The following KCNIP4 variants were observed in gnomAD, a reference collection of about 807,000 sequenced individuals.
KCNIP4 encodes the protein Kv channel-interacting protein 4.
Under a neutral mutation model 34.0 loss-of-function variants are expected in KCNIP4, and 12 were observed. The ratio of observed to expected loss-of-function variants is 0.35; its 90% confidence interval spans 0.23 to 0.57. The LOEUF (loss-of-function observed/expected upper bound fraction) is 0.57. KCNIP4 is among the 20% of genes least tolerant of loss of function. KCNIP4 has a pLI of 0.83. For synonymous variants in KCNIP4, 124 were observed against 102.2 expected, an observed-to-expected ratio of 1.21 and a Z score of -1.29; for missense variants, 238 against 311.7, an observed-to-expected ratio of 0.76 and a Z score of 1.78.
chr4:21,714,821 T>G lies in KCNIP4; in HGVS notation c.61+233750A>C, dbSNP rs184587846. Among the ~76,000 whole-genome samples the G allele has an allele frequency of 1.9e-3, 7 of 3,688 alleles. 1 individual carries two copies. The highest frequency in any genetic ancestry group is 0.017 in the African/African-American group (3 of 176). The allele number at this position is 3,688 out of a possible 152,430, so 2.4% of individuals were successfully genotyped here. A position where few individuals can be genotyped will look rare whatever the true frequency, so the allele number is the denominator to read the frequency against. On this transcript the variant is annotated intron_variant, in intron 1 of 8. Coordinates refer to ENST00000382152, the MANE Select transcript of KCNIP4 (RefSeq NM_025221.6). ...TTTATTTTATTTTATTTTATTTTAT[T>G]TTATTTTATTTTATTTTATTTTATT...
intron 1 of KCNIP4, among the ~76,000 whole-genome samples, chr4:21,714,795 T>G (rs1294941980): frequency 5.1e-3 from 1 of 198 alleles, no homozygotes; most frequent in Non-Finnish European, 7.4e-3. Flanking sequence ...GATTATTTTA[T>G]TTTATTTTAT....
intron 1 of KCNIP4, among the ~76,000 whole-genome samples, chr4:21,357,568 A>G (rs551001072): frequency 2.0e-5 from 3 of 152,336 alleles, no homozygotes; most frequent in Admixed American, 1.3e-4. Flanking sequence ...ACATGAAAAA[A>G]TGCTCATCAT....
intron 1 of KCNIP4, among the ~76,000 whole-genome samples, chr4:21,465,548 T>G (rs1185446769): frequency 6.6e-6 from 1 of 152,112 alleles, no homozygotes; most frequent in African/African-American, 2.4e-5. Context: ...CCCCATTACA[T>G]TGGCTAATTT....
chr4:20,783,111 T>G (rs111498518), intron 3 of KCNIP4, among the ~76,000 whole-genome samples: 1 of 152,174 alleles, frequency 6.6e-6, no homozygotes, highest in African/African-American at 2.4e-5. Context: ...AAGTTCCTCA[T>G]CTCCTTCTGA....
intron 1 of KCNIP4, among the ~76,000 whole-genome samples, chr4:21,438,991 T>G (rs1727202894): frequency 6.6e-6 from 1 of 151,914 alleles, no homozygotes; most frequent in Non-Finnish European, 1.5e-5. Context: ...TGAAACCCCT[T>G]CTCTACTAAA....
At chr4:21,915,051 T>C (rs1316721030) in intron 1 of KCNIP4, among the ~76,000 whole-genome samples, 2 of 152,278 alleles carry the variant, frequency 1.3e-5, no homozygotes, top group Admixed American at 6.5e-5. Context: ...TTGAATCTTA[T>C]AATAAAATGT....
chr4:21,415,172 T>G (rs1256817626), intron 1 of KCNIP4, among the ~76,000 whole-genome samples: 1 of 152,100 alleles, frequency 6.6e-6, no homozygotes, highest in African/African-American at 2.4e-5. Context: ...TAGGACATTA[T>G]ATAAGTGAAG....
intron 2 of KCNIP4, among the ~76,000 whole-genome samples, chr4:20,874,992 C>T (rs1723856565): frequency 6.6e-6 from 1 of 151,964 alleles, no homozygotes; most frequent in Non-Finnish European, 1.5e-5. Flanking sequence ...CCATTTGTCA[C>T]AGCCAGAAAT....
At chr4:21,740,163 T>C (rs770507856) in intron 1 of KCNIP4, among the ~76,000 whole-genome samples, 48 of 152,226 alleles carry the variant, frequency 3.2e-4, no homozygotes, top group Admixed American at 9.8e-4. Flanking sequence ...AATATATGTA[T>C]ATATGTATTG....
In KCNIP4 at chr4:21,085,640, G is replaced by T. The variant is rs576319347; in HGVS notation, c.62-202931C>A. Reference sequence around the variant, plus strand: ...TGCTCTATCTGATTAGTTGGTTTGGGTTACCCTAAAGGCAGATCCTGAGAC... The same window carrying T: ...TGCTCTATCTGATTAGTTGGTTTGGTTTACCCTAAAGGCAGATCCTGAGAC... On this transcript the variant is annotated intron_variant, in intron 1 of 8. Transcript: ENST00000382152. Among the ~76,000 whole-genome samples the T allele has an allele frequency of 2.6e-5, 4 of 152,220 alleles. No homozygotes were observed. The East Asian group carries it at 7.8e-4, about 30-fold the overall frequency.
intron 4 of KCNIP4, chr4:20,752,802 A>G (rs1753879528): frequency 6.6e-6 from 1 of 152,238 alleles, no homozygotes; most frequent in South Asian, 2.1e-4. Flanking sequence ...AAAACTGGAT[A>G]AAATGACGAA....
chr4:21,072,953 T>G (rs1286541082), intron 1 of KCNIP4, among the ~76,000 whole-genome samples: 1 of 152,154 alleles, frequency 6.6e-6, no homozygotes, highest in East Asian at 1.9e-4. Context: ...ATCAGATGGT[T>G]GTAGATGTGT....
intron 1 of KCNIP4, among the ~76,000 whole-genome samples, chr4:21,312,580 G>T (rs1056592319): frequency 1.3e-5 from 2 of 152,072 alleles, no homozygotes; most frequent in East Asian, 3.9e-4. Flanking sequence ...GGGTTCCTTC[G>T]GTTTCTCATA....
chr4:21,418,508 A>G (rs1725164162), intron 1 of KCNIP4, among the ~76,000 whole-genome samples: 1 of 152,190 alleles, frequency 6.6e-6, no homozygotes, highest in East Asian at 1.9e-4. Flanking sequence ...AAAAAAGAAA[A>G]AATAAATAAA....
At chr4:21,800,015 C>T (rs1813583) in intron 1 of KCNIP4, among the ~76,000 whole-genome samples, 49,579 of 152,002 alleles carry the variant, frequency 0.33, 10,376 homozygotes, top group Non-Finnish European at 0.48. Context: ...CCCCTCCACT[C>T]AATCTGGATA....
chr4:21,543,347 T>G (rs1258848525), intron 1 of KCNIP4, among the ~76,000 whole-genome samples: 2 of 152,142 alleles, frequency 1.3e-5, no homozygotes, highest in Middle Eastern at 3.2e-3. Flanking sequence ...TTCTAAAAAC[T>G]GTAATTTCAA....
intron 1 of KCNIP4, among the ~76,000 whole-genome samples, chr4:21,318,747 G>A (rs1267942097): frequency 6.6e-6 from 1 of 152,064 alleles, no homozygotes; most frequent in Non-Finnish European, 1.5e-5. Flanking sequence ...AAGAGCCTGA[G>A]CATGAAGAGA....
At chr4:21,896,631 T>C (rs192568689) in intron 1 of KCNIP4, among the ~76,000 whole-genome samples, 8 of 152,250 alleles carry the variant, frequency 5.3e-5, no homozygotes, top group African/African-American at 1.9e-4. Flanking sequence ...TTAAATATTT[T>C]AATCATGTCA....
At chr4:21,576,417 G>A (rs780821129) in intron 1 of KCNIP4, among the ~76,000 whole-genome samples, 3 of 151,926 alleles carry the variant, frequency 2.0e-5, no homozygotes, top group East Asian at 1.9e-4. Flanking sequence ...TGCTAATGCC[G>A]AAAAACACAT....
Sources: allele counts gnomAD v4.1 joint callset (sites outside exome capture counted in the v4.1 genomes callset), GRCh38; gene constraint gnomAD v4.1.1; transcripts MANE v1.5; gene names NCBI Gene and HGNC (gene_info 2026-07-23, HGNC 2026-07-21).